BCAS1: variants seen among roughly 807,000 people sequenced by gnomAD.
BCAS1 encodes the protein brain enriched myelin associated protein 1, also known as breast carcinoma-amplified sequence 1.
In BCAS1, 46 loss-of-function variants were observed where a neutral mutation model predicts 65.4. That is an observed-to-expected ratio of 0.70 (90% CI 0.55 to 0.90). BCAS1 has a LOEUF of 0.90. BCAS1 is among the 40% of genes least tolerant of loss of function. The pLI is 0.00. For missense variants in BCAS1, 793 were observed against 771.2 expected, an observed-to-expected ratio of 1.03 and a Z score of -0.33; for synonymous variants, 298 against 293.5, an observed-to-expected ratio of 1.02 and a Z score of -0.16.
At chr20:54,034,434 G>T (rs989350214) in intron 3 of BCAS1, among the ~76,000 whole-genome samples, 1 of 151,344 alleles carries the variant, frequency 6.6e-6, no homozygotes, top group Non-Finnish European at 1.5e-5. Context: ...CTTCAGCAAA[G>T]TCTCAGGATA....
intron 3 of BCAS1, among the ~76,000 whole-genome samples, chr20:54,041,796 G>A (rs1683525318): frequency 6.6e-6 from 1 of 151,376 alleles, no homozygotes; most frequent in African/African-American, 2.4e-5. Flanking sequence ...CTACTTGGGA[G>A]GCGGTGGCAG....
At chr20:54,061,268 C>T (rs2092373583) in intron 1 of BCAS1, among the ~76,000 whole-genome samples, 1 of 152,202 alleles carries the variant, frequency 6.6e-6, no homozygotes, top group Non-Finnish European at 1.5e-5. Context: ...ATATTACTAG[C>T]TTCCCTTAAA....
intron 6 of BCAS1, among the ~76,000 whole-genome samples, chr20:53,993,879 A>G (rs1380272961): frequency 6.6e-6 from 1 of 152,250 alleles, no homozygotes. Flanking sequence ...TAGTCATGTC[A>G]TTCAACCAAT....
intron 3 of BCAS1, among the ~76,000 whole-genome samples, chr20:54,033,904 A>G (rs181796129): frequency 1.3e-5 from 2 of 151,548 alleles, no homozygotes; most frequent in East Asian, 3.9e-4. Flanking sequence ...TCAATAAAAT[A>G]CTGGCAAACT....
At chr20:53,948,079 G>A (rs900241386) in intron 12 of BCAS1, among the ~76,000 whole-genome samples, 11 of 152,202 alleles carry the variant, frequency 7.2e-5, no homozygotes, top group African/African-American at 2.7e-4. Flanking sequence ...TCTTGCAAGT[G>A]TCTAGAGCCT....
intron 3 of BCAS1, among the ~76,000 whole-genome samples, chr20:54,041,855 T>TGCCACTGTGCCGCTGC (rs143651969): frequency 7.6e-6 from 1 of 130,730 alleles, no homozygotes; most frequent in Non-Finnish European, 1.6e-5. Flanking sequence ...GCCGAGATTG[T>TGCCACTGTGCCGCTGC]GCCACTGCAC....
chr20:53,964,578 T>C (rs556963117), intron 10 of BCAS1, among the ~76,000 whole-genome samples: 6 of 152,290 alleles, frequency 3.9e-5, no homozygotes, highest in African/African-American at 1.4e-4. Flanking sequence ...GAAAAGTGTG[T>C]CCTCACCTAC....
intron 4 of BCAS1, among the ~76,000 whole-genome samples, chr20:54,002,259 T>C (rs6097716): frequency 0.23 from 35,517 of 152,038 alleles, 4,507 homozygotes; most frequent in African/African-American, 0.34. Flanking sequence ...GGCTATGGGC[T>C]GGAAACCCTC....
At chr20:54,034,611 C>G (rs955808666) in intron 3 of BCAS1, among the ~76,000 whole-genome samples, 4 of 151,018 alleles carry the variant, frequency 2.6e-5, no homozygotes, top group Non-Finnish European at 5.9e-5. Flanking sequence ...GAATAATGAA[C>G]CAGCGCTCAA....
chr20:54,028,933 G>C lies in BCAS1; in HGVS notation c.182C>G (p.Thr61Ser). The C allele has an allele frequency of 6.2e-7, 1 of 1,613,826 alleles. No homozygotes were observed. Among genetic ancestry groups the C allele is most frequent in the Non-Finnish European group, 8.5e-7 (1 of 1,179,970 alleles). ...TATCTCCGTTGTCTCGGGGGAAGAA[G>C]TGGCCACATTATCCGTCTTGACACT... The part of the protein sequence containing the change: ...GISVKTDNVA[T>S]SSPETTEISA... The change falls in exon 4 of 13, where the codon ACT becomes AGT. Residue 61 changes from threonine to serine, a missense_variant. By Grantham distance (58) the Thr-to-Ser change is moderately conservative. Coordinates refer to ENST00000688948, the MANE Select transcript of BCAS1 (RefSeq NM_001366298.2).
intron 4 of BCAS1, among the ~76,000 whole-genome samples, chr20:54,025,155 G>GTA (rs1568890103): frequency 1.1e-3 from 163 of 152,234 alleles, no homozygotes; most frequent in African/African-American, 3.7e-3. Flanking sequence ...CACTTTATGC[G>GTA]CCCCACACCC....
At chr20:54,034,115 TA>T (rs1272805241) in intron 3 of BCAS1, among the ~76,000 whole-genome samples, 1 of 151,272 alleles carries the variant, frequency 6.6e-6, no homozygotes, top group Non-Finnish European at 1.5e-5. Context: ...ATAAACTAGG[TA>T]TTGAAGGAAC....
intron 10 of BCAS1, among the ~76,000 whole-genome samples, chr20:53,962,961 C>T (rs1436372466): frequency 2.0e-5 from 3 of 152,130 alleles, no homozygotes; most frequent in African/African-American, 7.2e-5. Context: ...CGCCATTCTC[C>T]TGCCTCAGCC....
At chr20:54,005,176 C>A (rs932802433) in intron 4 of BCAS1, among the ~76,000 whole-genome samples, 49 of 115,438 alleles carry the variant, frequency 4.2e-4, no homozygotes, top group Non-Finnish European at 6.5e-4. Context: ...ACAAGTGAGG[C>A]TAAGCACAGT....
intron 3 of BCAS1, among the ~76,000 whole-genome samples, chr20:54,034,364 G>C (rs1054496383): frequency 6.6e-6 from 1 of 151,438 alleles, no homozygotes; most frequent in South Asian, 2.1e-4. Flanking sequence ...CAGATTACAT[G>C]ACATTATATC....
intron 1 of BCAS1, among the ~76,000 whole-genome samples, chr20:54,059,868 T>C (rs1487974448): frequency 6.6e-6 from 1 of 152,236 alleles, no homozygotes; most frequent in Non-Finnish European, 1.5e-5. Flanking sequence ...GGTCCATCAT[T>C]GACTAAGGTA....
At chr20:54,004,577 C>G (rs2091140072) in intron 4 of BCAS1, among the ~76,000 whole-genome samples, 2 of 152,178 alleles carry the variant, frequency 1.3e-5, no homozygotes, top group Admixed American at 6.5e-5. Flanking sequence ...TAAATCTAGA[C>G]TGAGAAATTC....
intron 12 of BCAS1, among the ~76,000 whole-genome samples, chr20:53,946,522 C>T (rs6097683): frequency 0.027 from 2,501 of 92,090 alleles, 73 homozygotes; most frequent in African/African-American, 0.099. Flanking sequence ...TATATATATA[C>T]ACACACACAT....
chr20:54,068,371 T>TA (rs1337683493), intron 1 of BCAS1: 1 of 154,398 alleles, frequency 6.5e-6, no homozygotes, highest in African/African-American at 2.4e-5. Context: ...ATTGGAGGCT[T>TA]ACTATGTGCC....
Sources: allele counts gnomAD v4.1 joint callset (sites outside exome capture counted in the v4.1 genomes callset), GRCh38; gene constraint gnomAD v4.1.1; transcripts MANE v1.5; gene names NCBI Gene and HGNC (gene_info 2026-07-23, HGNC 2026-07-21).